The following ENAH variants were observed in gnomAD, a reference collection of about 807,000 sequenced individuals.
The protein encoded by ENAH is ENAH actin regulator, also known as protein enabled homolog.
A neutral mutation model predicts 78.7 loss-of-function variants in ENAH; 23 were observed. The observed-to-expected ratio is 0.29, with a 90% CI of 0.21 to 0.41. The LOEUF is 0.41. Among genes scored for constraint, ENAH ranks in the 10% least tolerant of loss-of-function variants. The probability of loss-of-function intolerance (pLI) is 1.00; values close to 1 mark genes in which losing one functional copy is unlikely to be tolerated. For synonymous variants in ENAH, 226 were observed against 241.0 expected, an observed-to-expected ratio of 0.94 and a Z score of 0.58; for missense variants, 544 against 691.0, an observed-to-expected ratio of 0.79 and a Z score of 2.39.
chr1:225,582,119 T>C (rs1449812386), intron 1 of ENAH, among the ~76,000 whole-genome samples: 1 of 152,110 alleles, frequency 6.6e-6, no homozygotes, highest in Non-Finnish European at 1.5e-5. Context: ...CTTGGTGCTA[T>C]TCCTTTGATA....
At chr1:225,652,031 G>GA (rs34666347) in intron 1 of ENAH, among the ~76,000 whole-genome samples, 71 of 152,132 alleles carry the variant, frequency 4.7e-4, no homozygotes, top group African/African-American at 1.7e-3. Context: ...AGAAAGGGGA[G>GA]AAAAGGCTTT....
rs142329792 is a variant in ENAH at position 225,533,122 on chromosome 1, T to G, written c.350-2484A>C. ...GTTGCAGTAACTAGCACATTGAAAT[T>G]TATGTGCATTTAAAAATTAATACAA... On this transcript the variant is annotated intron_variant, in intron 3 of 13. Coordinates refer to ENST00000366843, the MANE Select transcript of ENAH (RefSeq NM_018212.6). Among the ~76,000 whole-genome samples, 3 of 152,266 alleles carry G rather than the reference T, an allele frequency of 2.0e-5. No homozygotes were observed. In the East Asian group the frequency reaches 5.8e-4, roughly 29 times the overall value.
chr1:225,649,262 G>A (rs776084670), intron 1 of ENAH, among the ~76,000 whole-genome samples: 4 of 152,084 alleles, frequency 2.6e-5, no homozygotes, highest in Non-Finnish European at 5.9e-5. Context: ...TTTTATATGA[G>A]AAAGTCAGAG....
At chr1:225,648,486 T>C (rs1157956298) in intron 1 of ENAH, among the ~76,000 whole-genome samples, 1 of 152,198 alleles carries the variant, frequency 6.6e-6, no homozygotes, top group African/African-American at 2.4e-5. Flanking sequence ...ATCCAACACC[T>C]TGAATACTGA....
At chr1:225,605,786 G>A (rs6659377) in intron 1 of ENAH, among the ~76,000 whole-genome samples, 27,256 of 152,072 alleles carry the variant, frequency 0.18, 2,677 homozygotes, top group South Asian at 0.35. Context: ...CTTATAAGAA[G>A]ATTAGGACAG....
chr1:225,601,987 A>T (rs2096933425), intron 1 of ENAH, among the ~76,000 whole-genome samples: 1 of 152,080 alleles, frequency 6.6e-6, no homozygotes, highest in East Asian at 1.9e-4. Flanking sequence ...AAAGGACAGA[A>T]ATCAATGAAA....
intron 1 of ENAH, among the ~76,000 whole-genome samples, chr1:225,604,994 G>C (rs2096949920): frequency 6.6e-6 from 1 of 152,176 alleles, no homozygotes; most frequent in Non-Finnish European, 1.5e-5. Flanking sequence ...AAAAAGCAAA[G>C]GCTCTTGTCC....
chr1:225,575,478 AT>A (rs2096783861), intron 1 of ENAH, among the ~76,000 whole-genome samples: 1 of 152,026 alleles, frequency 6.6e-6, no homozygotes, highest in Non-Finnish European at 1.5e-5. Context: ...CTCAACATTT[AT>A]TTTTTCTTTA....
At chr1:225,535,595 G>A (rs1244575106) in intron 3 of ENAH, 9 of 1,271,820 alleles carry the variant, frequency 7.1e-6, no homozygotes, top group Admixed American at 2.3e-5. Flanking sequence ...TAGAAGCTTC[G>A]AAGGACAACG....
chr1:225,524,176 A>C (rs769318733), intron 4 of ENAH, among the ~76,000 whole-genome samples: 7 of 152,202 alleles, frequency 4.6e-5, no homozygotes, highest in Non-Finnish European at 7.3e-5. Context: ...CCCAAATGTA[A>C]ATAGATGCAC....
At position 225,490,500 on chromosome 1, in the gene ENAH, G is replaced by C. The variant is rs944064439; in HGVS notation, c.*7275C>G. 16 of 147,536 alleles carry C rather than the reference G, an allele frequency of 1.1e-4. No homozygotes were observed. The highest frequency in any genetic ancestry group is 4.1e-4 in the African/African-American group (16 of 39,456). The allele number at this position is 147,536 out of a possible 1,614,324, so 9.1% of individuals were successfully genotyped here. On this transcript the variant is annotated 3_prime_UTR_variant, in exon 14 of 14. Transcript: ENST00000366843. ...AGGCAGGAAAATCCCTTTGAACCCA[G>C]GGGGGGGAAGTTGCAGTGAGCCGAG...
In ENAH at chr1:225,652,696, C is replaced by G. The variant is rs1418496631; in HGVS notation, c.-6G>C. ...CCGCGCGCCCCTCACCTCATGGTGC[C>G]GGCGGCGCAGAGGCTTCCCCACCAG... On this transcript the variant is annotated 5_prime_UTR_variant, in exon 1 of 14. Coordinates refer to ENST00000366843, the MANE Select transcript of ENAH (RefSeq NM_018212.6). The G allele has an allele frequency of 2.0e-5, 27 of 1,319,038 alleles. No individual in the cohort carries two copies. The highest frequency in any genetic ancestry group is 2.6e-5 in the Non-Finnish European group (27 of 1,036,848). The allele number at this position is 1,319,038 out of a possible 1,614,324, so 81.7% of individuals were successfully genotyped here.
intron 1 of ENAH, among the ~76,000 whole-genome samples, chr1:225,585,646 G>A (rs974008423): frequency 1.4e-4 from 22 of 151,994 alleles, no homozygotes; most frequent in Admixed American, 7.2e-4. Flanking sequence ...AAAATTAGCC[G>A]GGCGTGGTGG....
intron 2 of ENAH, among the ~76,000 whole-genome samples, chr1:225,562,705 G>C (rs1201958980): frequency 6.8e-6 from 1 of 147,802 alleles, no homozygotes; most frequent in Non-Finnish European, 1.5e-5. Flanking sequence ...ATTCAATTTT[G>C]TAAGTAAATG....
At chr1:225,625,930 C>T (rs1457673521) in intron 1 of ENAH, among the ~76,000 whole-genome samples, 1 of 152,150 alleles carries the variant, frequency 6.6e-6, no homozygotes, top group Non-Finnish European at 1.5e-5. Context: ...GTTCCTTCTA[C>T]CCATTGGTGC....
intron 2 of ENAH, among the ~76,000 whole-genome samples, chr1:225,560,699 ATTCC>A (rs1303994396): frequency 6.6e-6 from 1 of 152,126 alleles, no homozygotes; most frequent in East Asian, 1.9e-4. Context: ...GGGTGTCACA[ATTCC>A]TTAGAAGACA....
intron 11 of ENAH, among the ~76,000 whole-genome samples, chr1:225,501,473 T>C (rs558335666): frequency 6.6e-6 from 1 of 152,338 alleles, no homozygotes; most frequent in African/African-American, 2.4e-5. Context: ...TCTACTTAAA[T>C]ACCTGGACAA....
At chr1:225,641,233 AAAAG>A (rs1459190245) in intron 1 of ENAH, among the ~76,000 whole-genome samples, 2 of 152,056 alleles carry the variant, frequency 1.3e-5, no homozygotes, top group Non-Finnish European at 2.9e-5. Context: ...TTAACGATAA[AAAAG>A]AAAGCTAAAA....
Position 225,495,662 on chromosome 1 carries a change from G to C in ENAH, c.*2113C>G, listed in dbSNP as rs963655715. The C allele has an allele frequency of 6.6e-6, 1 of 152,370 alleles. No individual in the cohort carries two copies. The highest frequency in any genetic ancestry group is 2.4e-5 in the African/African-American group (1 of 41,370). The allele number at this position is 152,370 out of a possible 1,614,324, so 9.4% of individuals were successfully genotyped here. ...CCCAACAAAATCAAAAGAGGTTGCT[G>C]ACCAGATTTATAGGGGACATAACTG... On this transcript the variant is annotated 3_prime_UTR_variant, in exon 14 of 14. Transcript: ENST00000366843.
Sources: allele counts gnomAD v4.1 joint callset (sites outside exome capture counted in the v4.1 genomes callset), GRCh38; gene constraint gnomAD v4.1.1; transcripts MANE v1.5; gene names NCBI Gene and HGNC (gene_info 2026-07-23, HGNC 2026-07-21).